Variants in GAR1 observed in about 807,000 individuals in gnomAD.
GAR1 encodes GAR1 ribonucleoprotein.
Under a neutral mutation model 29.3 loss-of-function variants are expected in GAR1, and 11 were observed. The ratio of observed to expected loss-of-function variants is 0.38; its 90% CI spans 0.24 to 0.62. The LOEUF (loss-of-function observed/expected upper bound fraction) is 0.62, where lower values mean the gene tolerates loss of function less well. Among genes scored for constraint, GAR1 ranks in the 20% least tolerant of loss-of-function variants. GAR1 has a pLI of 0.62. For synonymous variants in GAR1, 87 were observed against 93.3 expected (o/e 0.93, Z 0.39); for missense variants, 237 against 268.4 (o/e 0.88, Z 0.82).
At chr4:109,822,163 A>G (rs1235924983) in intron 4 of GAR1, among the ~76,000 whole-genome samples, 184 bp from the exon 5 acceptor site, 2 of 104,602 alleles carry the variant, frequency 1.9e-5, no homozygotes, top group African/African-American at 6.9e-5. Flanking sequence ...GGTAAAAAAA[A>G]AAAAAAAAAA....
At chr4:109,817,564 G>A (rs6533467) in intron 2 of GAR1, among the ~76,000 whole-genome samples, 148,695 of 152,338 alleles carry the variant, frequency 0.98, 72,654 homozygotes, top group East Asian at 1. Context: ...ATAATAAGTT[G>A]TAATAACATA....
chr4:109,821,230 G>A (rs945270501), intron 4 of GAR1, among the ~76,000 whole-genome samples: 1 of 152,178 alleles, frequency 6.6e-6, no homozygotes, highest in Non-Finnish European at 1.5e-5. Flanking sequence ...AGCACGTGAA[G>A]TGTGGCTCAT....
intron 5 of GAR1, among the ~76,000 whole-genome samples, chr4:109,823,524 A>G (rs1733574118): frequency 6.6e-6 from 1 of 152,164 alleles, no homozygotes; most frequent in South Asian, 2.1e-4. Flanking sequence ...CTTAACTATC[A>G]TATTTATTAT....
chr4:109,823,067 ATTTTGATGTATGCCTG>A (rs1465072285), intron 5 of GAR1, among the ~76,000 whole-genome samples: 2 of 152,090 alleles, frequency 1.3e-5, no homozygotes, highest in African/African-American at 2.4e-5. Flanking sequence ...GTTTTGGGGT[ATTTTGATGTATGCCTG>A]TTTTGATGTA....
At chr4:109,822,587 T>C (rs1579354681) in intron 5 of GAR1, 99 bp downstream of exon 5, 3 of 1,254,284 alleles carry the variant, frequency 2.4e-6, no homozygotes, top group South Asian at 3.9e-5. Flanking sequence ...ACCTCCCTTA[T>C]GGTTCTTTTT....
At chr4:109,816,076 C>A in intron 1 of GAR1, 77 bp from the exon 2 acceptor site, 1 of 1,385,366 alleles carries the variant, frequency 7.2e-7, no homozygotes, top group Non-Finnish European at 1.0e-6. Flanking sequence ...ATGGTGTTCT[C>A]ACCGCAGCTC....
Position 109,818,021 on chromosome 4 carries a change from T to G in GAR1, c.300T>G (p.Ala100=), listed in dbSNP as rs746126091. The G allele has an allele frequency of 6.2e-7, 1 of 1,603,830 alleles. No individual in the cohort carries two copies. The highest frequency in any genetic ancestry group is 8.5e-7 in the Non-Finnish European group (1 of 1,172,276). The change falls in exon 3 of 7, where the codon GCT becomes GCG. Residue 100 remains alanine, a synonymous_variant. Coordinates refer to ENST00000226796, the MANE Select transcript of GAR1 (RefSeq NM_018983.4). ...AAAATAAGGTGCCTTATTTCAATGC[T>G]CCTGTTTACTTAGAAAACAAAGAAC... is the stretch of plus-strand genomic sequence containing the variant. ...TDENKVPYFN[A]PVYLENKEQI...
Position 109,816,097 on chromosome 4 carries a change from G to C in GAR1, c.-12-56G>C, listed in dbSNP as rs1287896740. 4.0e-6 allele frequency: 6 copies of C among 1,502,788 alleles called. No homozygotes were observed. The East Asian group carries it at 1.4e-4, about 34-fold the overall frequency. 93.1% of individuals were successfully genotyped at this position (1,502,788 alleles called of 1,614,324 possible). The stretch of plus-strand genomic sequence containing the variant: ...TTCTCACCGCAGCTCCGAGGGGTTG[G>C]AGTATACTCAGAGGCTACAGTGATC... On this transcript the variant is annotated intron_variant, in intron 1 of 6. Transcript: ENST00000226796.
intron 4 of GAR1, among the ~76,000 whole-genome samples, chr4:109,820,115 A>G (rs1244814951): frequency 6.6e-6 from 1 of 152,262 alleles, no homozygotes; most frequent in African/African-American, 2.4e-5. Flanking sequence ...TAGTAGTTCT[A>G]AAAGAGATGG....
chr4:109,822,155 T>TAAAAAAAAA (rs59097048), intron 4 of GAR1, among the ~76,000 whole-genome samples, 192 bp from the exon 5 acceptor site: 1 of 101,638 alleles, frequency 9.8e-6, no homozygotes, highest in Non-Finnish European at 2.0e-5. Context: ...GAACTTAAGG[T>TAAAAAAAAA]AAAAAAAAAA....
chr4:109,816,155 A>T lies in GAR1; in HGVS notation c.-10A>T. 6.6e-7 allele frequency: 1 copy of T among 1,522,820 alleles called. No homozygotes were observed. The highest frequency in any genetic ancestry group is 9.0e-7 in the Non-Finnish European group (1 of 1,108,846). The allele number at this position is 1,522,820 out of a possible 1,614,324, so 94.3% of individuals were successfully genotyped here. On this transcript the variant is annotated splice_region_variant and 5_prime_UTR_variant, in exon 2 of 7. Transcript: ENST00000226796. ...ATAGGTCGTTTTTTTTTCATCAGGGAGGAGAGAGAATGTCTTTTCGAGGCG... is the reference window on the plus strand; with the variant it reads ...ATAGGTCGTTTTTTTTTCATCAGGGTGGAGAGAGAATGTCTTTTCGAGGCG...
At position 109,818,103 on chromosome 4, in the gene GAR1, A is replaced by G; in HGVS notation, c.369+13A>G. The G allele has an allele frequency of 1.3e-6, 2 of 1,577,760 alleles. No homozygotes were observed. The highest frequency in any genetic ancestry group is 1.4e-5 in the African/African-American group (1 of 73,338). On this transcript the variant is annotated intron_variant, in intron 3 of 6. Transcript: ENST00000226796. ...ACTCAGAGATTTTGTATCCTTTTTC[A>G]TTGGAAGGCCTGATAATATTCAAAG...
rs112437313 is a variant in GAR1 at position 109,816,593 on chromosome 4, G to A, written c.214+215G>A. On this transcript the variant is annotated intron_variant, in intron 2 of 6. Transcript: ENST00000226796. ...GAAGATATTAAATAGGTAATCGTGA[G>A]TACTTATGCCTAATTCCCCGATTTT... 6.5e-3 allele frequency among the ~76,000 whole-genome samples: 990 copies of A among 152,292 alleles called. 10 individuals are homozygous for A. The highest frequency in any genetic ancestry group is 0.022 in the African/African-American group (921 of 41,556).
At chr4:109,817,742 TCTC>T (rs964017788) in intron 2 of GAR1, among the ~76,000 whole-genome samples, 191 bp from the exon 3 acceptor site, 7 of 152,146 alleles carry the variant, frequency 4.6e-5, no homozygotes, top group African/African-American at 1.4e-4. Flanking sequence ...GTGGGTAACT[TCTC>T]CTAGGTCAAA....
chr4:109,823,801 C>A (rs9993509), intron 5 of GAR1, among the ~76,000 whole-genome samples, 164 bp from the exon 6 acceptor site: 1 of 151,792 alleles, frequency 6.6e-6, no homozygotes, highest in Non-Finnish European at 1.5e-5. Context: ...AATTTTTTCC[C>A]TGATAAAATA....
At chr4:109,816,696 A>T (rs1237448027) in intron 2 of GAR1, among the ~76,000 whole-genome samples, 1 of 152,194 alleles carries the variant, frequency 6.6e-6, no homozygotes, top group African/African-American at 2.4e-5. Context: ...TCAATTAGTG[A>T]TATAGCTGAA....
chr4:109,819,193 G>A (rs781335498), intron 4 of GAR1, 133 bp downstream of exon 4: 1 of 722,874 alleles, frequency 1.4e-6, no homozygotes, highest in Non-Finnish European at 2.5e-6. Context: ...AATGTTCCAT[G>A]CTATAAATAT....
chr4:109,816,511 A>G, intron 2 of GAR1, 133 bp downstream of exon 2: 1 of 841,184 alleles, frequency 1.2e-6, no homozygotes, highest in Non-Finnish European at 1.9e-6. Flanking sequence ...TGGGGAGATC[A>G]AGAAAGCTGA....
chr4:109,824,370 A>T, intron 6 of GAR1, 48 bp from the exon 7 acceptor site: 1 of 1,349,628 alleles, frequency 7.4e-7, no homozygotes, highest in Non-Finnish European at 1.1e-6. Flanking sequence ...TAATACTATT[A>T]AAAATCCATT....
Sources: gnomAD v4.1 joint callset for allele counts (sites outside exome capture counted in the v4.1 genomes callset) on GRCh38, gnomAD v4.1.1 for gene constraint, MANE v1.5 for transcripts, NCBI Gene and HGNC (gene_info 2026-07-23, HGNC 2026-07-21) for gene names.